The following SPAG17 variants were observed in gnomAD, a reference collection of about 807,000 sequenced individuals.
SPAG17 encodes the protein sperm associated antigen 17.
A neutral mutation model predicts 273.6 loss-of-function variants in SPAG17; 169 were observed. The ratio of observed to expected loss-of-function variants is 0.62; its 90% CI spans 0.55 to 0.70. The LOEUF is 0.70. Ranked by LOEUF, SPAG17 falls within the 30% of genes least tolerant of loss-of-function variation. The pLI, the probability that SPAG17 is intolerant of heterozygous loss-of-function variation, is 0.00. For missense variants in SPAG17, 2,557 were observed against 2,627.8 expected (o/e 0.97, Z 0.59); for synonymous variants, 825 against 873.2 (o/e 0.94, Z 0.97).
intron 13 of SPAG17, among the ~76,000 whole-genome samples, chr1:118,084,211 C>T (rs1305785420): frequency 6.6e-6 from 1 of 152,108 alleles, no homozygotes; most frequent in East Asian, 1.9e-4. Context: ...CGAGGCTATA[C>T]CCTGCATGTC....
At chr1:118,054,218 G>T (rs762456721) in intron 19 of SPAG17, 125 bp from the exon 20 acceptor site, 79 of 625,218 alleles carry the variant, frequency 1.3e-4, no homozygotes, top group Non-Finnish European at 1.7e-4. Context: ...TTTATCTCTG[G>T]TTTTTTTCTT....
At chr1:117,982,241 A>ATTTTT (rs763137879) in intron 42 of SPAG17, among the ~76,000 whole-genome samples, 1 of 132,758 alleles carries the variant, frequency 7.5e-6, no homozygotes, top group Non-Finnish European at 1.6e-5. Flanking sequence ...CTATCTGCTT[A>ATTTTT]TTTTTTTTTT....
intron 18 of SPAG17, among the ~76,000 whole-genome samples, chr1:118,058,626 G>C (rs1017234890): frequency 1.3e-5 from 2 of 152,210 alleles, no homozygotes; most frequent in Non-Finnish European, 2.9e-5. Context: ...ACAAGTGGTT[G>C]TATTAGCTCT....
At chr1:118,102,000 T>A in intron 4 of SPAG17, 74 bp from the exon 5 acceptor site, 1 of 1,221,406 alleles carries the variant, frequency 8.2e-7, no homozygotes, top group Non-Finnish European at 1.2e-6. Flanking sequence ...CCAGGTGAAT[T>A]AATTCTTCAT....
Position 118,055,835 on chromosome 1 carries a change from T to A in SPAG17, c.2620A>T (p.Asn874Tyr), listed in dbSNP as rs775808888. ...GCTCTGGTCCTGATGATTTTCTCATTCATTTTAGATTCCTGATATATAGCT... is the reference window on the plus strand; with the variant it reads ...GCTCTGGTCCTGATGATTTTCTCATACATTTTAGATTCCTGATATATAGCT... ...EEAIYQESKM[N>Y]EKIIRTRAEL... The change falls in exon 19 of 49, where the codon AAT becomes TAT. Residue 874 changes from asparagine to tyrosine, a missense_variant. By Grantham distance (143) the Asn-to-Tyr change is moderately radical (BLOSUM62 -2). Transcript: ENST00000336338. 1 of 1,613,128 alleles carries A rather than the reference T, an allele frequency of 6.2e-7. No homozygotes were observed. The highest frequency in any genetic ancestry group is 1.1e-5 in the South Asian group (1 of 90,952).
chr1:117,965,606 C>CA (rs1653732213), intron 47 of SPAG17: 1 of 152,178 alleles, frequency 6.6e-6, no homozygotes, highest in Admixed American at 6.5e-5. Flanking sequence ...ACTGTTCCCC[C>CA]ACTCCCAGTT....
intron 1 of SPAG17, among the ~76,000 whole-genome samples, chr1:118,181,733 G>A (rs1316791484): frequency 6.6e-6 from 1 of 152,156 alleles, no homozygotes; most frequent in Non-Finnish European, 1.5e-5. Flanking sequence ...AAAAGTGCTG[G>A]CACAGATGTG....
chr1:118,064,359 G>A (rs897461283), intron 18 of SPAG17, among the ~76,000 whole-genome samples: 1 of 151,516 alleles, frequency 6.6e-6, no homozygotes, highest in Non-Finnish European at 1.5e-5. Context: ...ACGATAGACT[G>A]GATTAAGAAA....
chr1:118,140,132 GCCTCCTTAACTAT>G (rs1658592451), intron 3 of SPAG17, among the ~76,000 whole-genome samples: 1 of 152,068 alleles, frequency 6.6e-6, no homozygotes. Context: ...AGACTTCTCA[GCCTCCTTAACTAT>G]AAAAAATAAA....
At chr1:118,014,824 G>C (rs919536484) in intron 29 of SPAG17, among the ~76,000 whole-genome samples, 1 of 152,186 alleles carries the variant, frequency 6.6e-6, no homozygotes, top group Non-Finnish European at 1.5e-5. Context: ...AAAGAGCTCA[G>C]TTTTTGGTCA....
chr1:118,127,838 AGGT>A (rs1332558101), intron 3 of SPAG17, among the ~76,000 whole-genome samples: 4 of 152,164 alleles, frequency 2.6e-5, no homozygotes, highest in Non-Finnish European at 4.4e-5. Flanking sequence ...ATTGATTCCT[AGGT>A]GGCTGGGCAC....
intron 3 of SPAG17, among the ~76,000 whole-genome samples, chr1:118,141,949 A>G (rs918260841): frequency 6.6e-6 from 1 of 152,106 alleles, no homozygotes. Context: ...ACCACTGATT[A>G]ACTTCTTTTC....
Position 118,040,746 on chromosome 1 carries a change from C to G in SPAG17, c.3150G>C (p.Lys1050Asn). The change falls in exon 22 of 49, where the codon AAG becomes AAC. Residue 1050 changes from lysine (K) to asparagine (N), a missense_variant. By Grantham distance (94) the Lys-to-Asn change is moderately conservative. Transcript: ENST00000336338. ...PSDGGQIEVE[K>N]TMFEKGPTFI... Reference sequence around the variant, plus strand: ...AAAATGTACCTTTTTCAAACATTGTCTTTTCCACTTCAATCTGCCCCCCAT... The same window carrying G: ...AAAATGTACCTTTTTCAAACATTGTGTTTTCCACTTCAATCTGCCCCCCAT... 6.3e-7 allele frequency: 1 copy of G among 1,595,478 alleles called. No individual in the cohort carries two copies. The highest frequency in any genetic ancestry group is 8.6e-7 in the Non-Finnish European group (1 of 1,162,830).
At chr1:118,104,137 G>A (rs1029676300) in intron 4 of SPAG17, among the ~76,000 whole-genome samples, 2 of 152,248 alleles carry the variant, frequency 1.3e-5, no homozygotes, top group Non-Finnish European at 2.9e-5. Context: ...GGAAACTCTC[G>A]CAATAGTCCA....
chr1:118,117,839 C>T (rs1558025414), intron 3 of SPAG17, among the ~76,000 whole-genome samples: 2 of 152,354 alleles, frequency 1.3e-5, no homozygotes, highest in East Asian at 3.9e-4. Flanking sequence ...AGGCTTGACT[C>T]TCTAAATGCC....
intron 4 of SPAG17, among the ~76,000 whole-genome samples, chr1:118,107,128 T>C (rs1363077852): frequency 6.6e-6 from 1 of 152,216 alleles, no homozygotes; most frequent in South Asian, 2.1e-4. Flanking sequence ...TATAAATTAA[T>C]ACAGAGTTTG....
chr1:117,971,951 G>A lies in SPAG17; in HGVS notation c.6238C>T (p.Pro2080Ser). 4 of 1,614,068 alleles carry A rather than the reference G, an allele frequency of 2.5e-6. No homozygotes were observed. Among genetic ancestry groups the A allele is most frequent in the Non-Finnish European group, 2.5e-6 (3 of 1,179,990 alleles). The change falls in exon 45 of 49, where the codon CCA becomes TCA. Residue 2080 changes from proline to serine, a missense_variant. Pro to Ser is a moderately conservative substitution (Grantham distance 74, BLOSUM62 -1). Transcript: ENST00000336338. Reference sequence around the variant, plus strand: ...AGCACTCCAAACTTGACTGATGATGGGAGAAGATGGAACCCAAAAAGGGAT... The same window carrying A: ...AGCACTCCAAACTTGACTGATGATGAGAGAAGATGGAACCCAAAAAGGGAT... The part of the protein sequence containing the change: ...KSSLFGFHLL[P>S]SSVKFGVLKE...
chr1:118,074,136 C>G (rs1653871290), intron 16 of SPAG17, among the ~76,000 whole-genome samples, 169 bp from the exon 17 acceptor site: 1 of 151,924 alleles, frequency 6.6e-6, no homozygotes, highest in African/African-American at 2.4e-5. Flanking sequence ...AAAGAGTATG[C>G]CTTTGACTTT....
intron 4 of SPAG17, 64 bp from the exon 5 acceptor site, chr1:118,101,990 C>T (rs1397800286): frequency 2.3e-6 from 3 of 1,329,084 alleles, no homozygotes; most frequent in Non-Finnish European, 3.2e-6. Context: ...TTTTCTACTG[C>T]CAGGTGAATT....
Sources: gnomAD v4.1 joint callset for allele counts (sites outside exome capture counted in the v4.1 genomes callset) on GRCh38, gnomAD v4.1.1 for gene constraint, MANE v1.5 for transcripts, NCBI Gene and HGNC (gene_info 2026-07-23, HGNC 2026-07-21) for gene names.